Variants in NAALADL2 observed in about 807,000 individuals in gnomAD.
NAALADL2 encodes the protein inactive N-acetylated-alpha-linked acidic dipeptidase-like protein 2.
In NAALADL2, 76 loss-of-function variants were observed where a neutral mutation model predicts 87.2. That is an observed-to-expected ratio of 0.87 (90% CI 0.72 to 1.05). The LOEUF is 1.05. NAALADL2 is among the 50% of genes least tolerant of loss of function. The pLI is 0.00. For synonymous variants in NAALADL2, 354 were observed against 331.0 expected, an observed-to-expected ratio of 1.07 and a Z score of -0.75; for missense variants, 1,089 against 945.8, an observed-to-expected ratio of 1.15 and a Z score of -1.99.
At chr3:175,730,956 A>C (rs957586282) in intron 11 of NAALADL2, among the ~76,000 whole-genome samples, 1 of 152,174 alleles carries the variant, frequency 6.6e-6, no homozygotes, top group African/African-American at 2.4e-5. Context: ...CAGGATTGGA[A>C]ATAAGATATT....
intron 2 of NAALADL2, among the ~76,000 whole-genome samples, chr3:175,171,523 G>T (rs1481990963): frequency 3.3e-5 from 5 of 151,920 alleles, no homozygotes; most frequent in African/African-American, 1.2e-4. Flanking sequence ...TATGAACATT[G>T]GTAGTATGAA....
chr3:175,346,433 CA>C (rs1249474156), intron 5 of NAALADL2, among the ~76,000 whole-genome samples: 8 of 152,018 alleles, frequency 5.3e-5, no homozygotes, highest in Non-Finnish European at 2.9e-5. Flanking sequence ...ATGAGCGCAC[CA>C]AAAAACTTCA....
chr3:174,605,576 C>G (rs1226426040), intron 2 of NAALADL2, among the ~76,000 whole-genome samples: 1 of 152,182 alleles, frequency 6.6e-6, no homozygotes, highest in East Asian at 1.9e-4. Flanking sequence ...GCACAGCAGT[C>G]TGAGATCAAA....
At chr3:174,908,157 A>G (rs1472246418) in intron 1 of NAALADL2, among the ~76,000 whole-genome samples, 1 of 150,776 alleles carries the variant, frequency 6.6e-6, no homozygotes, top group Non-Finnish European at 1.5e-5. Flanking sequence ...CTCTGGTTGC[A>G]CTTGGTGGTG....
At chr3:175,338,087 A>C (rs1762179577) in intron 5 of NAALADL2, among the ~76,000 whole-genome samples, 1 of 152,180 alleles carries the variant, frequency 6.6e-6, no homozygotes, top group South Asian at 2.1e-4. Flanking sequence ...AAGCTATGTC[A>C]GGAGTGTGGT....
intron 9 of NAALADL2, among the ~76,000 whole-genome samples, chr3:175,504,565 TTCTCTCTCTCTCTCTC>T (rs200985901): frequency 0.13 from 17,434 of 134,290 alleles, 1,104 homozygotes; most frequent in East Asian, 0.17. Flanking sequence ...CTCTCTCTGT[TTCTCTCTCTCTCTCTC>T]TCTCTCTCTC....
intron 9 of NAALADL2, among the ~76,000 whole-genome samples, chr3:175,485,460 C>T (rs1727119549): frequency 6.6e-6 from 1 of 152,150 alleles, no homozygotes; most frequent in African/African-American, 2.4e-5. Context: ...CCAGTAGTGG[C>T]TCAGTGGGAG....
chr3:175,199,493 G>A (rs1739486657), intron 2 of NAALADL2, among the ~76,000 whole-genome samples: 1 of 151,800 alleles, frequency 6.6e-6, no homozygotes, highest in Non-Finnish European at 1.5e-5. Flanking sequence ...GGCATCCAAG[G>A]GATGAGACTG....
chr3:175,638,135 G>T (rs546614381), intron 11 of NAALADL2, among the ~76,000 whole-genome samples: 1 of 152,030 alleles, frequency 6.6e-6, no homozygotes, highest in Middle Eastern at 3.2e-3. Context: ...TTATTACCTC[G>T]AATCATAAGA....
intron 3 of NAALADL2, among the ~76,000 whole-genome samples, chr3:174,843,372 C>T (rs931715479): frequency 1.3e-5 from 2 of 151,728 alleles, no homozygotes; most frequent in African/African-American, 4.8e-5. Context: ...TTCTGTGTCT[C>T]ATCTTTTTTA....
At chr3:174,653,821 TATTG>T (rs1444752817) in intron 2 of NAALADL2, among the ~76,000 whole-genome samples, 1 of 152,004 alleles carries the variant, frequency 6.6e-6, no homozygotes, top group Non-Finnish European at 1.5e-5. Flanking sequence ...GTAGAGAAAA[TATTG>T]ATTTATAATT....
intron 1 of NAALADL2, among the ~76,000 whole-genome samples, chr3:174,501,733 G>A (rs1578036579): frequency 6.6e-6 from 1 of 151,860 alleles, no homozygotes; most frequent in African/African-American, 2.4e-5. Flanking sequence ...TGTAGCATTT[G>A]GAGTGATGCC....
At chr3:175,011,191 G>T (rs937101704) in intron 1 of NAALADL2, among the ~76,000 whole-genome samples, 6 of 151,676 alleles carry the variant, frequency 4.0e-5, no homozygotes, top group African/African-American at 1.5e-4. Context: ...ATAGTTGAGG[G>T]GCCCACAGAA....
At chr3:175,642,746 C>A (rs1019490381) in intron 11 of NAALADL2, among the ~76,000 whole-genome samples, 10 of 152,122 alleles carry the variant, frequency 6.6e-5, no homozygotes, top group Non-Finnish European at 1.3e-4. Context: ...GTGATCCTCC[C>A]GCCTCGGCTT....
At chr3:175,024,981 G>A (rs1163916691) in intron 1 of NAALADL2, among the ~76,000 whole-genome samples, 1 of 152,020 alleles carries the variant, frequency 6.6e-6, no homozygotes, top group African/African-American at 2.4e-5. Context: ...GAGAAAATGA[G>A]GATGTCTAAA....
intron 2 of NAALADL2, among the ~76,000 whole-genome samples, chr3:175,161,986 A>C (rs1733294177): frequency 6.6e-6 from 1 of 152,142 alleles, no homozygotes; most frequent in Non-Finnish European, 1.5e-5. Flanking sequence ...TTCTTTCGGA[A>C]ACCTGTCTTC....
At chr3:175,469,923 T>G (rs2149287685) in intron 8 of NAALADL2, among the ~76,000 whole-genome samples, 1 of 152,224 alleles carries the variant, frequency 6.6e-6, no homozygotes, top group African/African-American at 2.4e-5. Flanking sequence ...ATGGAAAAAT[T>G]ACTCAAGCTT....
At chr3:175,091,006 G>C (rs1448588550) in intron 1 of NAALADL2, among the ~76,000 whole-genome samples, 2 of 151,780 alleles carry the variant, frequency 1.3e-5, no homozygotes, top group East Asian at 3.9e-4. Flanking sequence ...GAAGAATTAA[G>C]TCAGGAAACA....
intron 11 of NAALADL2, among the ~76,000 whole-genome samples, chr3:175,732,102 C>T (rs1227741899): frequency 1.3e-5 from 2 of 152,100 alleles, no homozygotes; most frequent in African/African-American, 2.4e-5. Context: ...TGAAGTACAG[C>T]GTAATCAGAG....
Sources: allele counts gnomAD v4.1 joint callset (sites outside exome capture counted in the v4.1 genomes callset), GRCh38; gene constraint gnomAD v4.1.1; transcripts MANE v1.5; gene names NCBI Gene and HGNC (gene_info 2026-07-23, HGNC 2026-07-21).